ANGPTL2: variants seen among roughly 807,000 people sequenced by gnomAD.
The protein encoded by ANGPTL2 is angiopoietin-related protein 2.
ANGPTL2 carries 25 observed loss-of-function variants against 52.8 expected under a neutral mutation model. The observed-to-expected ratio is 0.47, with a 90% CI of 0.35 to 0.66. The LOEUF is 0.66. Ranked by LOEUF, ANGPTL2 falls within the 30% of genes least tolerant of loss-of-function variation. The pLI, the probability that ANGPTL2 is intolerant of heterozygous loss-of-function variation, is 0.01. For synonymous variants in ANGPTL2, 276 were observed against 277.4 expected (o/e 1.00, Z 0.05); for missense variants, 546 against 656.9 (o/e 0.83, Z 1.84).
Position 127,091,324 on chromosome 9 carries a change from CTATA to C in ANGPTL2, c.1282+342_1282+345del, listed in dbSNP as rs1326533020. Among the ~76,000 whole-genome samples, 1 of 152,250 alleles carries C rather than the reference CTATA, an allele frequency of 6.6e-6. No individual in the cohort carries two copies. Among genetic ancestry groups the C allele is most frequent in the Non-Finnish European group, 1.5e-5 (1 of 68,046 alleles). ...CCAGAGCCTACGCAGTTGGTTAGCT[CTATA>C]CCAGGTGCCTGGGACAGAAGTGGTG... On this transcript the variant is annotated intron_variant, in intron 4 of 4. Transcript: ENST00000373425. The surrounding 1 kb of genome is among the most constrained non-coding windows in gnomAD (Gnocchi z 4.3).
Position 127,093,743 on chromosome 9 carries a change from T to C in ANGPTL2, c.1001A>G (p.Glu334Gly), listed in dbSNP as rs778059990. The change falls in exon 3 of 5, where the codon GAG (glutamate) becomes GGG (glycine). Residue 334 changes from glutamate (E) to glycine (G), a missense_variant. Physicochemically the swap from Glu to Gly is moderately conservative, Grantham distance 98 (BLOSUM62 -2). Coordinates refer to ENST00000373425, the MANE Select transcript of ANGPTL2 (RefSeq NM_012098.3). ...DGSVNFFRNW[E>G]TYKQGFGNID... is the part of the protein sequence containing the mutation. ...CCTGCCGAGTCTCACCTTGTACGTC[T>C]CCCAGTTCCTGAAGAAGTTAACAGA... 4.3e-6 allele frequency: 7 copies of C among 1,613,940 alleles called. No individual in the cohort carries two copies. In the East Asian group the frequency reaches 1.6e-4, roughly 36 times the overall value.
At chr9:127,094,982 G>C (rs563935811) in intron 2 of ANGPTL2, among the ~76,000 whole-genome samples, 1 of 152,350 alleles carries the variant, frequency 6.6e-6, no homozygotes, top group East Asian at 1.9e-4. Context: ...GAGTCACCAA[G>C]GGTCTGGACA....
chr9:127,120,827 C>CA (rs968011060), intron 1 of ANGPTL2, among the ~76,000 whole-genome samples: 4,546 of 121,784 alleles, frequency 0.037, 82 homozygotes, highest in East Asian at 0.091. Flanking sequence ...GACTCCATCT[C>CA]AAAAAAAAAA....
intron 1 of ANGPTL2, among the ~76,000 whole-genome samples, chr9:127,114,979 T>C (rs2055244544): frequency 6.6e-6 from 1 of 152,180 alleles, no homozygotes. Context: ...TCCAAACCAG[T>C]TGGTAATCCA....
chr9:127,121,458 G>C (rs1464788045), intron 1 of ANGPTL2, among the ~76,000 whole-genome samples: 3 of 152,240 alleles, frequency 2.0e-5, no homozygotes, highest in African/African-American at 7.2e-5. Flanking sequence ...GAAAGGAGAT[G>C]CTTTTCCAAG....
chr9:127,113,956 T>C (rs1444369103), intron 1 of ANGPTL2, among the ~76,000 whole-genome samples: 1 of 152,274 alleles, frequency 6.6e-6, no homozygotes, highest in Non-Finnish European at 1.5e-5. Flanking sequence ...AGCTGTGTGT[T>C]CTGCCCTGCA....
At position 127,097,381 on chromosome 9, in the gene ANGPTL2, T is replaced by C. The variant is rs2053250100; in HGVS notation, c.818-3455A>G. 4.6e-5 allele frequency among the ~76,000 whole-genome samples: 7 copies of C among 152,404 alleles called. No individual in the cohort carries two copies. In the South Asian group the frequency reaches 1.4e-3, roughly 32 times the overall value. On this transcript the variant is annotated intron_variant, in intron 2 of 4. Transcript: ENST00000373425. Reference sequence around the variant, plus strand: ...TTTCTGCTGTTACAAAAAATGTGCATATGTGTCTGTACACGGAATTTCACA... The same window carrying C: ...TTTCTGCTGTTACAAAAAATGTGCACATGTGTCTGTACACGGAATTTCACA...
At chr9:127,094,708 G>A (rs144438500) in intron 2 of ANGPTL2, among the ~76,000 whole-genome samples, 40 of 152,316 alleles carry the variant, frequency 2.6e-4, no homozygotes, top group African/African-American at 8.2e-4. Context: ...TGGCACTCAC[G>A]CATTCTGAGG....
chr9:127,110,972 C>T (rs192347898), intron 1 of ANGPTL2, among the ~76,000 whole-genome samples: 61 of 152,174 alleles, frequency 4.0e-4, no homozygotes, highest in African/African-American at 1.2e-3. Flanking sequence ...AAAAGTCAAA[C>T]GGGGTCACTC....
chr9:127,114,216 T>C (rs1271296688), intron 1 of ANGPTL2, among the ~76,000 whole-genome samples: 4 of 152,222 alleles, frequency 2.6e-5, no homozygotes, highest in Non-Finnish European at 5.9e-5. Flanking sequence ...ATAGTCTTTA[T>C]GTTTTTTATA....
intron 2 of ANGPTL2, 43 bp from the exon 3 acceptor site, chr9:127,093,969 A>G (rs757483552): frequency 1.9e-6 from 3 of 1,584,230 alleles, no homozygotes; most frequent in East Asian, 4.5e-5. Context: ...CCTGCCTGTC[A>G]CCAGGCCGCA....
rs1000766934 is a variant in ANGPTL2, at chr9:127,108,718, C to T, written c.14G>A (p.Cys5Tyr). 4.4e-6 allele frequency: 7 copies of T among 1,607,588 alleles called. No homozygotes were observed. In the African/African-American group the frequency reaches 5.4e-5, roughly 12 times the overall value. The change falls in exon 2 of 5, where the codon TGC (cysteine) becomes TAC (tyrosine). Residue 5 changes from cysteine (C) to tyrosine (Y), a missense_variant. This residue lies in a region of ANGPTL2 where 285 missense variants were observed against 295.8 expected (regional missense o/e 0.96). Coordinates refer to ENST00000373425, the MANE Select transcript of ANGPTL2 (RefSeq NM_012098.3). ...CAGTCCGAGCCACCAGCATGTCACG[C>T]ACAGTGGCCTCATGGTCCTTGCAAA... MRPL[C>Y]VTCWWLGLLA...
rs142389011 is a variant in ANGPTL2 at position 127,096,424 on chromosome 9, C to T, written c.818-2498G>A. Among the ~76,000 whole-genome samples, 788 of 152,274 alleles carry T rather than the reference C, an allele frequency of 5.2e-3. 9 individuals carry two copies. Among genetic ancestry groups the T allele is most frequent in the African/African-American group, 0.018 (751 of 41,548 alleles). ...CCTGCAAAATAACGCCCACTGAGAGCGAGCAGCCCAGCCTCTTACTGCACA... is the reference window on the plus strand; with the variant it reads ...CCTGCAAAATAACGCCCACTGAGAGTGAGCAGCCCAGCCTCTTACTGCACA... On this transcript the variant is annotated intron_variant, in intron 2 of 4. Transcript: ENST00000373425.
chr9:127,102,997 T>C (rs1328570531), intron 2 of ANGPTL2, among the ~76,000 whole-genome samples: 3 of 152,170 alleles, frequency 2.0e-5, no homozygotes, highest in African/African-American at 7.2e-5. Flanking sequence ...TCACCCTCAC[T>C]CGCCACCATC....
chr9:127,088,962 G>A lies in ANGPTL2; in HGVS notation c.1459C>T (p.Pro487Ser). The change falls in exon 5 of 5, where the codon CCG (proline) becomes TCG (serine). Residue 487 changes from proline (P) to serine (S), a missense_variant. Physicochemically the swap from Pro to Ser is moderately conservative, Grantham distance 74 (BLOSUM62 -1). Coordinates refer to ENST00000373425, the MANE Select transcript of ANGPTL2 (RefSeq NM_012098.3). The part of the protein sequence containing the change: ...SLKKVVMMIR[P>S]NPNTFH ...GCTTAGTGGAAGGTGTTGGGGTTCG[G>A]TCGGATCATCATCACCACTTTCTTG... The A allele has an allele frequency of 6.2e-7, 1 of 1,614,218 alleles. No homozygotes were observed. The highest frequency in any genetic ancestry group is 8.5e-7 in the Non-Finnish European group (1 of 1,180,040).
At chr9:127,096,286 A>G (rs551622210) in intron 2 of ANGPTL2, among the ~76,000 whole-genome samples, 1 of 152,234 alleles carries the variant, frequency 6.6e-6, no homozygotes, top group South Asian at 2.1e-4. Context: ...TCTGTCCCCA[A>G]CAGCTGGAGC....
chr9:127,099,840 AAAAGGTCCAAATGC>A (rs1470742329), intron 2 of ANGPTL2, among the ~76,000 whole-genome samples: 1 of 152,254 alleles, frequency 6.6e-6, no homozygotes, highest in Non-Finnish European at 1.5e-5. Flanking sequence ...CATTCCAGGG[AAAAGGTCCAAATGC>A]TTGTGCCTGC....
intron 1 of ANGPTL2, among the ~76,000 whole-genome samples, chr9:127,118,146 C>T (rs754517633): frequency 3.9e-5 from 6 of 152,176 alleles, no homozygotes; most frequent in Non-Finnish European, 8.8e-5. Flanking sequence ...CCTCCGCCTC[C>T]CGGGTTCAAG....
chr9:127,117,509 G>A (rs1395258775), intron 1 of ANGPTL2, among the ~76,000 whole-genome samples: 2 of 152,208 alleles, frequency 1.3e-5, no homozygotes, highest in Non-Finnish European at 2.9e-5. Context: ...AGGGGTCCAC[G>A]GTAGTAGGTG....
Sources: allele counts gnomAD v4.1 joint callset (sites outside exome capture counted in the v4.1 genomes callset), GRCh38; gene constraint gnomAD v4.1.1; regional missense constraint gnomAD v4.1.1; non-coding constraint Gnocchi (gnomAD v3.1); transcripts MANE v1.5; gene names NCBI Gene and HGNC (gene_info 2026-07-23, HGNC 2026-07-21).